Variants in NUMA1 observed in about 807,000 individuals in gnomAD.
The protein encoded by NUMA1 is SP-H antigen.
Under a neutral mutation model 237.1 loss-of-function variants are expected in NUMA1, and 62 were observed. That is an observed-to-expected ratio of 0.26 (90% CI 0.21 to 0.32). The LOEUF is 0.32. Ranked by LOEUF, NUMA1 falls within the 10% of genes least tolerant of loss-of-function variation. The probability of loss-of-function intolerance (pLI) is 1.00; values close to 1 mark genes in which losing one functional copy is unlikely to be tolerated. For missense variants in NUMA1, 2,533 were observed against 2,666.5 expected (o/e 0.95, Z 1.10); for synonymous variants, 1,028 against 1,066.1 (o/e 0.96, Z 0.70).
intron 2 of NUMA1, chr11:72,041,184 C>T (rs1463754627): frequency 6.6e-6 from 1 of 151,856 alleles, no homozygotes; most frequent in Non-Finnish European, 1.5e-5. Context: ...CAAGCTTCCC[C>T]GATCTGGGAG....
chr11:72,061,366 A>C (rs1251416453), intron 2 of NUMA1, among the ~76,000 whole-genome samples: 1 of 152,210 alleles, frequency 6.6e-6, no homozygotes, highest in Non-Finnish European at 1.5e-5. Context: ...GGTCTGGTAT[A>C]TAATCCCAAA....
intron 2 of NUMA1, among the ~76,000 whole-genome samples, chr11:72,059,286 AT>A (rs1313334900): frequency 5.9e-5 from 9 of 151,834 alleles, no homozygotes; most frequent in Non-Finnish European, 4.4e-5. Context: ...TTTTTAATTA[AT>A]TTTTTTTGAG....
chr11:72,009,387 C>A lies in NUMA1; in HGVS notation c.4720G>T (p.Ala1574Ser). Reference protein sequence around the residue: ...ASKVQQQKLKAVQAQGGESQQ... With the variant: ...ASKVQQQKLKSVQAQGGESQQ... ...CTCTCGCCTCCCTGAGCCTGGACAG[C>A]CTGAGAAGAAAGGCCACTCAGGAAA... The change falls in exon 18 of 27, where the codon GCT (alanine) becomes TCT (serine). Residue 1574 changes from alanine (A) to serine (S), a missense_variant and splice_region_variant. This residue lies in a region of NUMA1 where 795 missense variants were observed against 750.8 expected (regional missense o/e 1.06). Transcript: ENST00000393695. 6.2e-7 allele frequency: 1 copy of A among 1,601,144 alleles called. No homozygotes were observed. The highest frequency in any genetic ancestry group is 8.5e-7 in the Non-Finnish European group (1 of 1,176,904).
At chr11:72,051,987 G>A (rs1195704279) in intron 2 of NUMA1, among the ~76,000 whole-genome samples, 1 of 152,174 alleles carries the variant, frequency 6.6e-6, no homozygotes, top group East Asian at 1.9e-4. Context: ...TACTACTTGT[G>A]CTTTTTGAAA....
intron 2 of NUMA1, among the ~76,000 whole-genome samples, chr11:72,060,149 C>T (rs1339865460): frequency 6.6e-6 from 1 of 152,126 alleles, no homozygotes; most frequent in East Asian, 1.9e-4. Context: ...TGTAATTCCC[C>T]CTACCAGCAG....
chr11:72,073,869 A>C (rs1312972702), intron 1 of NUMA1, among the ~76,000 whole-genome samples: 1 of 152,176 alleles, frequency 6.6e-6, no homozygotes, highest in East Asian at 1.9e-4. Flanking sequence ...GAATAGTAAT[A>C]ATAGAACTTA....
At position 72,010,726 on chromosome 11, in the gene NUMA1, C is replaced by T; in HGVS notation, c.4719+60G>A. ...CCCGACACCCCCCACGGCCCCAGAG[C>T]TTAGAGAATAGCTTCCCTCCCTTGT... On this transcript the variant is annotated intron_variant, in intron 17 of 26. Transcript: ENST00000393695. 11 of 1,554,370 alleles carry T rather than the reference C, an allele frequency of 7.1e-6. No individual in the cohort carries two copies. The South Asian group carries it at 1.0e-4, about 14-fold the overall frequency.
Position 72,014,452 on chromosome 11 carries a change from C to A in NUMA1, c.3051G>T (p.Gln1017His). 6.2e-7 allele frequency: 1 copy of A among 1,605,046 alleles called. No individual in the cohort carries two copies. The highest frequency in any genetic ancestry group is 1.6e-4 in the Middle Eastern group (1 of 6,062). Reference protein sequence around the residue: ...ARLTQERGRAQADLALEKAAR... With the variant: ...ARLTQERGRAHADLALEKAAR... ...CCGCCTTCTCCAGGGCAAGGTCAGC[C>A]TGGGCACGGCCCCGCTCCTGGGTCA... Residue 1017 changes from glutamine to histidine, a missense_variant, in exon 15 of 27, where the codon CAG becomes CAT. By Grantham distance (24) the Gln-to-His change is conservative. Around this residue, in one of 3 missense-constraint regions of NUMA1, gnomAD observed 1,414 missense variants for 1,508.1 expected, o/e 0.94. Transcript: ENST00000393695. This position sits in a 1 kb window ranked among gnomAD's most constrained non-coding sequence, Gnocchi z 4.6.
At position 72,022,402 on chromosome 11, in the gene NUMA1, T is replaced by C. The variant is rs745545926; in HGVS notation, c.309A>G (p.Leu103=). The change falls in exon 7 of 27, where the codon TTA becomes TTG. Residue 103 remains leucine, a synonymous_variant. Coordinates refer to ENST00000393695, the MANE Select transcript of NUMA1 (RefSeq NM_006185.4). ...LELAKMTMLL[L]YHSTMSSKSP... ...TTTTGGAGCTCATGGTAGAGTGGTATAAGAGCAGCATGGTCATCTAGAAGC... is the reference window on the plus strand; with the variant it reads ...TTTTGGAGCTCATGGTAGAGTGGTACAAGAGCAGCATGGTCATCTAGAAGC... The C allele has an allele frequency of 2.0e-5, 32 of 1,613,318 alleles. No individual in the cohort carries two copies. Among genetic ancestry groups the C allele is most frequent in the Non-Finnish European group, 2.6e-5 (31 of 1,179,502 alleles).
intron 16 of NUMA1, 63 bp downstream of exon 16, chr11:72,012,338 C>T: frequency 6.6e-7 from 1 of 1,517,092 alleles, no homozygotes; most frequent in Non-Finnish European, 9.1e-7. Context: ...TGCAGCCGGG[C>T]TCATGCACCA....
intron 2 of NUMA1, among the ~76,000 whole-genome samples, chr11:72,048,620 G>A (rs1267139335): frequency 6.6e-6 from 1 of 152,138 alleles, no homozygotes; most frequent in Non-Finnish European, 1.5e-5. Context: ...TGATCCACCT[G>A]CCTGGGCCTC....
At chr11:72,033,395 A>G (rs2135636126) in intron 3 of NUMA1, among the ~76,000 whole-genome samples, 1 of 144,632 alleles carries the variant, frequency 6.9e-6, no homozygotes, top group South Asian at 2.2e-4. Flanking sequence ...TTTTTGACAC[A>G]GGCTTTCACT....
chr11:72,019,122 T>C, intron 9 of NUMA1, 142 bp from the exon 10 acceptor site: 1 of 825,244 alleles, frequency 1.2e-6, no homozygotes, highest in Non-Finnish European at 1.9e-6. Flanking sequence ...TTTGCAGTGC[T>C]ACCTCAAGCC....
chr11:72,009,428 C>G (rs1955991443), intron 17 of NUMA1, 41 bp from the exon 18 acceptor site: 5 of 1,556,342 alleles, frequency 3.2e-6, no homozygotes, highest in Non-Finnish European at 4.3e-6. Context: ...TCTGGCCGCT[C>G]TACCCAAGTC....
Position 72,014,635 on chromosome 11 carries a change from C to T in NUMA1, c.2868G>A (p.Gln956=). 1.2e-6 allele frequency: 2 copies of T among 1,611,000 alleles called. No individual in the cohort carries two copies. Among genetic ancestry groups the T allele is most frequent in the Non-Finnish European group, 1.7e-6 (2 of 1,180,032 alleles). The stretch of plus-strand genomic sequence containing the variant: ...CCTGTGTGCTGCAGAACTGGCGTCC[C>T]TGTTGCTCTTCCAGCCACTCGGGCT... ...DRQPEWLEEQ[Q]GRQFCSTQAA... is the part of the protein sequence containing the mutation. Residue 956 remains glutamine, a synonymous_variant, in exon 15 of 27, where the codon CAG becomes CAA. Coordinates refer to ENST00000393695, the MANE Select transcript of NUMA1 (RefSeq NM_006185.4). This position sits in a 1 kb window ranked among gnomAD's most constrained non-coding sequence, Gnocchi z 4.6.
intron 4 of NUMA1, among the ~76,000 whole-genome samples, chr11:72,026,657 T>G (rs1210096050): frequency 1.3e-5 from 2 of 152,168 alleles, no homozygotes; most frequent in African/African-American, 4.8e-5. Context: ...TTTTTTAATT[T>G]TTTAAAGAAT....
chr11:72,023,419 AC>A (rs1939157196), intron 5 of NUMA1, among the ~76,000 whole-genome samples: 1 of 152,070 alleles, frequency 6.6e-6, no homozygotes, highest in South Asian at 2.1e-4. Context: ...GCACTCTCCC[AC>A]CCACTCACCA....
Position 72,007,533 on chromosome 11 carries a change from C to G in NUMA1, c.5217-98G>C. On this transcript the variant is annotated intron_variant, in intron 20 of 26. Coordinates refer to ENST00000393695, the MANE Select transcript of NUMA1 (RefSeq NM_006185.4). ...GACCATTTCCCATCCTTACTACAAGCAGATGAGGTCAAGCAGCCCATCTCT... is the reference window on the plus strand; with the variant it reads ...GACCATTTCCCATCCTTACTACAAGGAGATGAGGTCAAGCAGCCCATCTCT... 2.1e-6 allele frequency: 3 copies of G among 1,433,282 alleles called. No homozygotes were observed. The South Asian group carries it at 3.7e-5, about 18-fold the overall frequency. The allele number at this position is 1,433,282 out of a possible 1,614,324, so 88.8% of individuals were successfully genotyped here.
chr11:72,037,634 C>T (rs1447512012), intron 2 of NUMA1, among the ~76,000 whole-genome samples: 2 of 152,174 alleles, frequency 1.3e-5, no homozygotes, highest in African/African-American at 2.4e-5. Flanking sequence ...ATATGTGAAG[C>T]ACTAACAGAA....
Sources: gnomAD v4.1 joint callset for allele counts (sites outside exome capture counted in the v4.1 genomes callset) on GRCh38, gnomAD v4.1.1 for gene constraint, gnomAD v4.1.1 regional missense constraint, Gnocchi (gnomAD v3.1) non-coding constraint, MANE v1.5 for transcripts, NCBI Gene and HGNC (gene_info 2026-07-23, HGNC 2026-07-21) for gene names.